ADAMTS3: variants seen among roughly 807,000 people sequenced by gnomAD.
ADAMTS3 encodes ADAM metallopeptidase with thrombospondin type 1 motif 3, also known as A disintegrin and metalloproteinase with thrombospondin motifs 3.
A neutral mutation model predicts 129.0 loss-of-function variants in ADAMTS3; 73 were observed. The observed-to-expected ratio is 0.57, with a 90% confidence interval of 0.47 to 0.69. The LOEUF is 0.69. ADAMTS3 is among the 30% of genes least tolerant of loss of function. The probability of loss-of-function intolerance (pLI) is 0.00; values close to 1 mark genes in which losing one functional copy is unlikely to be tolerated. For missense variants in ADAMTS3, 1,457 were observed against 1,514.5 expected (o/e 0.96, Z 0.63); for synonymous variants, 477 against 510.8 (o/e 0.93, Z 0.89).
Position 72,320,810 on chromosome 4 carries a change from C to T in ADAMTS3, c.1006G>A (p.Ala336Thr), listed in dbSNP as rs1719533584. Residue 336 changes from alanine to threonine, a missense_variant, in exon 7 of 22, where the codon GCG becomes ACG. Transcript: ENST00000286657. Reference protein sequence around the residue: ...SRSLENVCRWASQQQRSDLNH... With the variant: ...SRSLENVCRWTSQQQRSDLNH... Reference sequence around the variant, plus strand: ...AGATCAGATCTTTGCTGTTGGGACGCCCAGCGACACACATTCTCCAAGCTT... The same window carrying T: ...AGATCAGATCTTTGCTGTTGGGACGTCCAGCGACACACATTCTCCAAGCTT... 2 of 1,613,806 alleles carry T rather than the reference C, an allele frequency of 1.2e-6. No homozygotes were observed. Among genetic ancestry groups the T allele is most frequent in the Admixed American group, 1.7e-5 (1 of 59,990 alleles).
At chr4:72,418,034 C>T (rs922038203) in intron 3 of ADAMTS3, among the ~76,000 whole-genome samples, 65 of 151,366 alleles carry the variant, frequency 4.3e-4, no homozygotes, top group Non-Finnish European at 2.2e-4. Flanking sequence ...TGATTAAATC[C>T]AGTTGAATAA....
chr4:72,372,720 CA>C (rs1176568463), intron 4 of ADAMTS3, among the ~76,000 whole-genome samples: 1 of 151,838 alleles, frequency 6.6e-6, no homozygotes, highest in Admixed American at 6.6e-5. Context: ...ATACCAAAAA[CA>C]TCAGATAACT....
At chr4:72,305,900 A>T in intron 16 of ADAMTS3, 87 bp downstream of exon 16, 1 of 1,112,816 alleles carries the variant, frequency 9.0e-7, no homozygotes, top group South Asian at 1.3e-5. Context: ...ATATGTGTAC[A>T]TATATACATA....
chr4:72,391,174 A>C (rs2109893154), intron 4 of ADAMTS3, among the ~76,000 whole-genome samples: 1 of 152,338 alleles, frequency 6.6e-6, no homozygotes, highest in South Asian at 2.1e-4. Context: ...GGAAGAAAGA[A>C]TAAAGGGTAG....
At chr4:72,525,653 A>C (rs1379516904) in intron 3 of ADAMTS3, among the ~76,000 whole-genome samples, 1 of 152,116 alleles carries the variant, frequency 6.6e-6, no homozygotes, top group Non-Finnish European at 1.5e-5. Context: ...CCTCCTAATG[A>C]TCTGTTTTCC....
chr4:72,367,928 A>G (rs1248410251), intron 4 of ADAMTS3, among the ~76,000 whole-genome samples: 3 of 150,916 alleles, frequency 2.0e-5, no homozygotes, highest in Non-Finnish European at 4.4e-5. Flanking sequence ...ATTGTTACTC[A>G]CATGTTTTTA....
chr4:72,478,035 T>A (rs185104026), intron 3 of ADAMTS3, among the ~76,000 whole-genome samples: 2 of 152,242 alleles, frequency 1.3e-5, no homozygotes, highest in Admixed American at 1.3e-4. Flanking sequence ...AGATCTGAAA[T>A]TGTGGCAATA....
chr4:72,363,014 C>G (rs1266072343), intron 4 of ADAMTS3, among the ~76,000 whole-genome samples: 1 of 151,998 alleles, frequency 6.6e-6, no homozygotes, highest in Non-Finnish European at 1.5e-5. Flanking sequence ...CAGCCATAAA[C>G]CCAGGAACTA....
chr4:72,400,395 TAG>T lies in ADAMTS3; in HGVS notation c.661+14418_661+14419del, dbSNP rs1560501919. 1.4e-4 allele frequency among the ~76,000 whole-genome samples: 17 copies of T among 120,270 alleles called. 1 individual carries two copies. The highest frequency in any genetic ancestry group is 4.9e-4 in the African/African-American group (15 of 30,834). 78.9% of individuals were successfully genotyped at this position (120,270 alleles called of 152,430 possible). ...CACGGTGTGTATATATACGTGTGCA[TAG>T]ATATGCACACGGTGTGTATATATAC... is the stretch of plus-strand genomic sequence containing the variant. On this transcript the variant is annotated intron_variant, in intron 4 of 21. Coordinates refer to ENST00000286657, the MANE Select transcript of ADAMTS3 (RefSeq NM_014243.3).
At chr4:72,471,359 A>G (rs1434117360) in intron 3 of ADAMTS3, among the ~76,000 whole-genome samples, 1 of 152,142 alleles carries the variant, frequency 6.6e-6, no homozygotes, top group Non-Finnish European at 1.5e-5. Flanking sequence ...CAAATGACCA[A>G]TGCATAAAAT....
At chr4:72,380,922 GTA>G (rs2109878986) in intron 4 of ADAMTS3, among the ~76,000 whole-genome samples, 1 of 152,154 alleles carries the variant, frequency 6.6e-6, no homozygotes, top group East Asian at 1.9e-4. Flanking sequence ...GCTATATATT[GTA>G]TACCCAACCA....
chr4:72,313,564 A>T, intron 12 of ADAMTS3, 113 bp downstream of exon 12: 2 of 1,138,364 alleles, frequency 1.8e-6, no homozygotes, highest in East Asian at 2.6e-5. Context: ...TGAACAATTT[A>T]TTTTCCTGCC....
intron 4 of ADAMTS3, among the ~76,000 whole-genome samples, chr4:72,408,526 A>G (rs1482847997): frequency 1.3e-5 from 2 of 152,186 alleles, no homozygotes; most frequent in South Asian, 2.1e-4. Context: ...AAACAATGAC[A>G]GGAAAATAAA....
At chr4:72,450,968 AAAGAAGAGAAGAGAAGAGAAGAGAAG>A in intron 3 of ADAMTS3, among the ~76,000 whole-genome samples, 3 of 139,602 alleles carry the variant, frequency 2.1e-5, no homozygotes, top group African/African-American at 8.0e-5. Flanking sequence ...AGGCAGGCAA[AAAGAAGAGAAGAGAAGAGAAGAGAAG>A]AGAAGAGAAG....
intron 4 of ADAMTS3, among the ~76,000 whole-genome samples, chr4:72,387,416 C>G (rs1721476515): frequency 6.6e-6 from 1 of 152,302 alleles, no homozygotes; most frequent in Non-Finnish European, 1.5e-5. Context: ...CTGTCTCTTA[C>G]CTTTATCTTA....
chr4:72,414,675 A>G, intron 4 of ADAMTS3, 140 bp downstream of exon 4: 1 of 597,036 alleles, frequency 1.7e-6, no homozygotes, highest in Non-Finnish European at 2.5e-6. Flanking sequence ...ACATTTCATG[A>G]TTTATAAATG....
intron 4 of ADAMTS3, among the ~76,000 whole-genome samples, chr4:72,344,726 T>G (rs1370076668): frequency 1.3e-5 from 2 of 152,234 alleles, no homozygotes; most frequent in South Asian, 2.1e-4. Flanking sequence ...TCCTTTCTGC[T>G]GCCTAGAATG....
intron 4 of ADAMTS3, among the ~76,000 whole-genome samples, chr4:72,391,653 T>A (rs925064649): frequency 1.3e-5 from 2 of 152,080 alleles, no homozygotes; most frequent in Admixed American, 1.3e-4. Flanking sequence ...GTTTTAGACC[T>A]ACAAAAATGG....
chr4:72,298,394 T>A lies in ADAMTS3; in HGVS notation c.2473A>T (p.Ile825Phe). Reference sequence around the variant, plus strand: ...GTAGGTACAGAGTCTTCATGGATGATGTACTTATATGTCAGGCTAGAGCGG... The same window carrying A: ...GTAGGTACAGAGTCTTCATGGATGAAGTACTTATATGTCAGGCTAGAGCGG... Reference protein sequence around the residue: ...DTRSSLTYKYIIHEDSVPTIN... With the variant: ...DTRSSLTYKYFIHEDSVPTIN... Residue 825 changes from isoleucine to phenylalanine, a missense_variant, in exon 18 of 22, where the codon ATC becomes TTC. By Grantham distance (21) the Ile-to-Phe change is conservative (BLOSUM62 0). Transcript: ENST00000286657. 2 of 1,612,576 alleles carry A rather than the reference T, an allele frequency of 1.2e-6. No individual in the cohort carries two copies. The highest frequency in any genetic ancestry group is 1.7e-6 in the Non-Finnish European group (2 of 1,178,976).
Sources: allele counts gnomAD v4.1 joint callset (sites outside exome capture counted in the v4.1 genomes callset), GRCh38; gene constraint gnomAD v4.1.1; transcripts MANE v1.5; gene names NCBI Gene and HGNC (gene_info 2026-07-23, HGNC 2026-07-21).